The following ESR1 variants were observed in gnomAD, a reference collection of about 807,000 sequenced individuals.
ESR1 encodes estrogen receptor 1, also known as estrogen receptor.
Under a neutral mutation model 52.7 loss-of-function variants are expected in ESR1, and 12 were observed. The observed-to-expected ratio is 0.23, with a 90% confidence interval of 0.15 to 0.37. The LOEUF is 0.37. Among genes scored for constraint, ESR1 ranks in the 10% least tolerant of loss-of-function variants. The pLI, the probability that ESR1 is intolerant of heterozygous loss-of-function variation, is 1.00. For synonymous variants in ESR1, 305 were observed against 316.8 expected (o/e 0.96, Z 0.39); for missense variants, 584 against 779.7 (o/e 0.75, Z 2.99).
At chr6:151,735,166 A>G (rs1466934070) in intron 2 of ESR1, among the ~76,000 whole-genome samples, 1 of 152,178 alleles carries the variant, frequency 6.6e-6, no homozygotes, top group Non-Finnish European at 1.5e-5. Flanking sequence ...TAACATCCAC[A>G]GATTTTTTTC....
At chr6:151,760,367 T>G (rs1784580421) in intron 2 of ESR1, among the ~76,000 whole-genome samples, 1 of 152,228 alleles carries the variant, frequency 6.6e-6, no homozygotes, top group African/African-American at 2.4e-5. Flanking sequence ...AGGGTCTATA[T>G]TGCAACAAAC....
chr6:151,684,317 G>A (rs1474560862), intron 1 of ESR1, among the ~76,000 whole-genome samples: 4 of 152,178 alleles, frequency 2.6e-5, no homozygotes, highest in African/African-American at 9.6e-5. Flanking sequence ...AAGAGAGGTT[G>A]ACTGAAGTTG....
chr6:151,917,452 G>T (rs1451473791), intron 3 of ESR1, among the ~76,000 whole-genome samples: 1 of 152,062 alleles, frequency 6.6e-6, no homozygotes, highest in East Asian at 1.9e-4. Flanking sequence ...AGCTTGCCAC[G>T]GCTGTCTCTA....
In ESR1 at chr6:151,677,600, C is replaced by T. The variant is rs2115279011; in HGVS notation, n.73+20837C>T. Among the ~76,000 whole-genome samples the T allele has an allele frequency of 1.3e-5, 2 of 152,300 alleles. 1 individual carries two copies. Among genetic ancestry groups the T allele is most frequent in the East Asian group, 3.9e-4 (2 of 5,182 alleles). On this transcript the variant is annotated intron_variant and non_coding_transcript_variant, in intron 1 of 2. Transcript: ENST00000473497. ...TTTGAGTGATTACGCAGCATTTGTTCCCTATTGTTCATAATACTCTTTAAA... is the reference window on the plus strand; with the variant it reads ...TTTGAGTGATTACGCAGCATTTGTTTCCTATTGTTCATAATACTCTTTAAA...
intron 2 of ESR1, among the ~76,000 whole-genome samples, chr6:151,785,809 A>G (rs1786966421): frequency 6.6e-6 from 1 of 152,232 alleles, no homozygotes; most frequent in South Asian, 2.1e-4. Context: ...AGTGCCATCA[A>G]GCAATGAGAT....
chr6:151,944,664 T>G (rs2035494673), intron 4 of ESR1, among the ~76,000 whole-genome samples, 156 bp downstream of exon 4: 2 of 152,228 alleles, frequency 1.3e-5, no homozygotes, highest in South Asian at 4.1e-4. Context: ...ATCAATACAC[T>G]GTAATTTTCC....
chr6:152,014,285 C>G (rs1562671509), intron 5 of ESR1, among the ~76,000 whole-genome samples: 1 of 151,730 alleles, frequency 6.6e-6, no homozygotes, highest in Non-Finnish European at 1.5e-5. Flanking sequence ...GGATGTTTAA[C>G]AGCATCCCTG....
intron 4 of ESR1, among the ~76,000 whole-genome samples, chr6:151,996,492 G>C (rs777824541): frequency 6.6e-6 from 1 of 151,946 alleles, no homozygotes; most frequent in Non-Finnish European, 1.5e-5. Flanking sequence ...CTCTGCCTTC[G>C]TGGACTCCCC....
chr6:151,678,837 C>T (rs1778350480), intron 1 of ESR1, among the ~76,000 whole-genome samples: 1 of 152,006 alleles, frequency 6.6e-6, no homozygotes, highest in Admixed American at 6.6e-5. Flanking sequence ...CAGGTGCATG[C>T]CACCACTCCT....
intron 3 of ESR1, among the ~76,000 whole-genome samples, chr6:151,941,375 G>C (rs770333309): frequency 6.6e-5 from 10 of 152,074 alleles, no homozygotes; most frequent in Non-Finnish European, 1.2e-4. Flanking sequence ...TAATACTGAA[G>C]AACCAGGCAT....
At position 152,101,993 on chromosome 6, in the gene ESR1, T is replaced by C. The variant is rs9341077; in HGVS notation, c.*3027T>C. 0.034 allele frequency: 7,330 copies of C among 214,488 alleles called. 150 individuals are homozygous for C. The highest frequency in any genetic ancestry group is 0.059 in the Middle Eastern group (39 of 666). 13.3% of individuals were successfully genotyped at this position (214,488 alleles called of 1,614,324 possible). On this transcript the variant is annotated 3_prime_UTR_variant, in exon 8 of 8. Transcript: ENST00000206249. ...GTCTGTGTTTCTTTTCGCCATTGCC[T>C]AGCTTGCCGTAATGATTCTATAATG... is the stretch of plus-strand genomic sequence containing the variant.
intron 3 of ESR1, among the ~76,000 whole-genome samples, chr6:151,907,903 A>G (rs2128425485): frequency 6.6e-6 from 1 of 152,336 alleles, no homozygotes. Flanking sequence ...GTTTATTGAC[A>G]TGAAATAGAT....
intron 4 of ESR1, among the ~76,000 whole-genome samples, chr6:151,971,603 G>C (rs373918742): frequency 6.6e-6 from 1 of 152,078 alleles, no homozygotes; most frequent in Non-Finnish European, 1.5e-5. Context: ...AATTCTTTGA[G>C]CTGAATGATA....
chr6:151,829,857 G>A (rs1782111520), intron 1 of ESR1, among the ~76,000 whole-genome samples: 1 of 152,176 alleles, frequency 6.6e-6, no homozygotes, highest in South Asian at 2.1e-4. Context: ...AAGAGTATGA[G>A]TCAGTCTAGA....
At chr6:151,831,377 C>G (rs1212143656) in intron 1 of ESR1, among the ~76,000 whole-genome samples, 1 of 152,092 alleles carries the variant, frequency 6.6e-6, no homozygotes, top group Non-Finnish European at 1.5e-5. Flanking sequence ...TGGGCTGAAG[C>G]ATTCCTCCCA....
At chr6:152,025,765 T>C (rs2044094379) in intron 5 of ESR1, among the ~76,000 whole-genome samples, 1 of 151,974 alleles carries the variant, frequency 6.6e-6, no homozygotes, top group South Asian at 2.1e-4. Flanking sequence ...AATCCTTCAT[T>C]CTGCTATCAG....
chr6:151,965,137 A>G (rs981121994), intron 4 of ESR1, among the ~76,000 whole-genome samples: 1 of 152,190 alleles, frequency 6.6e-6, no homozygotes, highest in Non-Finnish European at 1.5e-5. Flanking sequence ...ATATACACAC[A>G]TAATTTATTT....
intron 2 of ESR1, among the ~76,000 whole-genome samples, chr6:151,799,105 T>A (rs981377898): frequency 6.6e-6 from 1 of 152,150 alleles, no homozygotes; most frequent in African/African-American, 2.4e-5. Flanking sequence ...TAATTTTATT[T>A]AAGCTGAGCA....
intron 2 of ESR1, among the ~76,000 whole-genome samples, chr6:151,764,972 A>G (rs1052520845): frequency 1.3e-5 from 2 of 152,236 alleles, no homozygotes; most frequent in African/African-American, 2.4e-5. Flanking sequence ...GTGCTGTACA[A>G]CAGAAATCTG....
Sources: allele counts gnomAD v4.1 joint callset (sites outside exome capture counted in the v4.1 genomes callset), GRCh38; gene constraint gnomAD v4.1.1; transcripts MANE v1.5; gene names NCBI Gene and HGNC (gene_info 2026-07-23, HGNC 2026-07-21).